The following HLCS variants were observed in gnomAD, a reference collection of about 807,000 sequenced individuals.
HLCS encodes holocarboxylase synthetase.
A neutral mutation model predicts 75.0 loss-of-function variants in HLCS; 53 were observed. The observed-to-expected ratio is 0.71, with a 90% CI of 0.57 to 0.89. The LOEUF (loss-of-function observed/expected upper bound fraction) is 0.89, where lower values mean the gene tolerates loss of function less well. Ranked by LOEUF, HLCS falls within the 40% of genes least tolerant of loss-of-function variation. The probability of loss-of-function intolerance (pLI) is 0.00; values close to 1 mark genes in which losing one functional copy is unlikely to be tolerated. For synonymous variants in HLCS, 431 were observed against 428.6 expected, an observed-to-expected ratio of 1.01 and a Z score of -0.07; for missense variants, 966 against 1,074.0, an observed-to-expected ratio of 0.90 and a Z score of 1.41.
rs2062636231 is a variant in HLCS at position 36,842,122 on chromosome 21, C to A, written c.1892+54738G>T. Among the ~76,000 whole-genome samples, 5 of 152,176 alleles carry A rather than the reference C, an allele frequency of 3.3e-5. No homozygotes were observed. The South Asian group carries it at 1.0e-3, about 32-fold the overall frequency. ...AGATAAACAAATTGTGGGATACTCA[C>A]CCAAAGAAGTATTTTATGGCAATGA... On this transcript the variant is annotated intron_variant, in intron 6 of 10. Coordinates refer to ENST00000674895, the MANE Select transcript of HLCS (RefSeq NM_001352514.2). This position sits in a 1 kb window ranked among gnomAD's most constrained non-coding sequence, Gnocchi z 4.2.
At chr21:36,909,110 T>G (rs1282984033) in intron 5 of HLCS, among the ~76,000 whole-genome samples, 1 of 152,068 alleles carries the variant, frequency 6.6e-6, no homozygotes, top group Non-Finnish European at 1.5e-5. Flanking sequence ...GGCAGCAGAA[T>G]GGCATGAACC....
At chr21:36,837,463 G>A (rs1435106570) in intron 6 of HLCS, among the ~76,000 whole-genome samples, 1 of 152,038 alleles carries the variant, frequency 6.6e-6, no homozygotes, top group South Asian at 2.1e-4. Context: ...CCATGTCCAC[G>A]TCAAGTAGGA....
At chr21:36,980,189 C>A (rs1322586127) in intron 1 of HLCS, among the ~76,000 whole-genome samples, 1 of 136,466 alleles carries the variant, frequency 7.3e-6, no homozygotes, top group Non-Finnish European at 1.6e-5. Context: ...GAGACCCTGA[C>A]TATATTTAAA....
At position 36,891,602 on chromosome 21, in the gene HLCS, A is replaced by T. The variant is rs143022766; in HGVS notation, c.1892+5258T>A. On this transcript the variant is annotated intron_variant, in intron 6 of 10. Transcript: ENST00000674895. ...ACCTTTGATCGAGTCCTGACCTTCT[A>T]TATGTTGGGAGGTAGACCTGGTGTC... Among the ~76,000 whole-genome samples, 3 of 152,260 alleles carry T rather than the reference A, an allele frequency of 2.0e-5. No individual in the cohort carries two copies. In the East Asian group the frequency reaches 5.8e-4, roughly 29 times the overall value.
chr21:36,832,224 T>G (rs1231716955), intron 6 of HLCS, among the ~76,000 whole-genome samples: 1 of 152,040 alleles, frequency 6.6e-6, no homozygotes, highest in Non-Finnish European at 1.5e-5. Flanking sequence ...AGTTATAACC[T>G]AACGAAAGGG....
intron 1 of HLCS, among the ~76,000 whole-genome samples, chr21:36,983,820 C>T (rs938835700): frequency 2.7e-5 from 4 of 148,698 alleles, no homozygotes; most frequent in Admixed American, 2.7e-4. Context: ...CTGGGTGACG[C>T]AGAGAGACTC....
intron 5 of HLCS, among the ~76,000 whole-genome samples, chr21:36,926,946 A>G (rs2066435005): frequency 6.6e-6 from 1 of 152,014 alleles, no homozygotes; most frequent in African/African-American, 2.4e-5. Flanking sequence ...AAATTCTGCC[A>G]GGTTGCCCAG....
chr21:36,786,748 T>C (rs370565190), intron 6 of HLCS, among the ~76,000 whole-genome samples: 1 of 152,260 alleles, frequency 6.6e-6, no homozygotes, highest in African/African-American at 2.4e-5. Context: ...TATGTGTTTA[T>C]TGGATTCCTA....
At chr21:36,987,450 T>TA in intron 1 of HLCS, among the ~76,000 whole-genome samples, 1 of 152,102 alleles carries the variant, frequency 6.6e-6, no homozygotes, top group African/African-American at 2.4e-5. Flanking sequence ...CTGTCTCTAC[T>TA]AAAAATACAA....
chr21:36,847,773 AT>A (rs1300023569), intron 6 of HLCS, among the ~76,000 whole-genome samples: 1 of 152,108 alleles, frequency 6.6e-6, no homozygotes, highest in African/African-American at 2.4e-5. Flanking sequence ...ACATATAAGA[AT>A]TTTTTTTAAT....
At chr21:36,884,643 C>G (rs1316722629) in intron 6 of HLCS, among the ~76,000 whole-genome samples, 4 of 152,158 alleles carry the variant, frequency 2.6e-5, no homozygotes, top group African/African-American at 9.7e-5. Context: ...TAGAGAAGTC[C>G]CTGTCACCCT....
At chr21:36,795,596 C>T (rs1025137547) in intron 6 of HLCS, among the ~76,000 whole-genome samples, 1 of 152,204 alleles carries the variant, frequency 6.6e-6, no homozygotes, top group African/African-American at 2.4e-5. Context: ...GACTCCTTTA[C>T]AGCTCAAGAA....
At chr21:36,758,175 T>G (rs932650110) in intron 9 of HLCS, among the ~76,000 whole-genome samples, 1 of 152,128 alleles carries the variant, frequency 6.6e-6, no homozygotes, top group Non-Finnish European at 1.5e-5. Context: ...GGAGCCCTCA[T>G]AGCGCACTGC....
chr21:36,775,693 T>C (rs1186825255), intron 6 of HLCS, among the ~76,000 whole-genome samples: 1 of 234 alleles, frequency 4.3e-3, no homozygotes. Context: ...ATCTCATAAA[T>C]ATGTCCATTT....
intron 6 of HLCS, among the ~76,000 whole-genome samples, chr21:36,774,336 C>T (rs3787748): frequency 0.45 from 67,775 of 151,966 alleles, 15,908 homozygotes; most frequent in Non-Finnish European, 0.54. Context: ...AGACAGGGAA[C>T]GGGACAGATC....
intron 6 of HLCS, among the ~76,000 whole-genome samples, chr21:36,825,406 T>A (rs568860939): frequency 7.9e-5 from 12 of 152,106 alleles, no homozygotes; most frequent in Middle Eastern, 3.4e-3. Flanking sequence ...TAATAATAAT[T>A]GTTATTATTA....
chr21:36,787,001 G>A (rs77875339), intron 6 of HLCS, among the ~76,000 whole-genome samples: 2,653 of 152,294 alleles, frequency 0.017, 37 homozygotes, highest in Non-Finnish European at 0.028. Flanking sequence ...TGAAAGATGC[G>A]ACCATGTAGG....
At chr21:36,820,574 C>T (rs1375653198) in intron 6 of HLCS, among the ~76,000 whole-genome samples, 3 of 152,222 alleles carry the variant, frequency 2.0e-5, no homozygotes, top group Non-Finnish European at 2.9e-5. Context: ...GCTGACATGC[C>T]AGCCCCCTGC....
At chr21:36,798,420 T>C (rs1329960755) in intron 6 of HLCS, among the ~76,000 whole-genome samples, 1 of 152,238 alleles carries the variant, frequency 6.6e-6, no homozygotes, top group African/African-American at 2.4e-5. Flanking sequence ...ACTATTTATG[T>C]TGTTTCCAGT....
Sources: allele counts gnomAD v4.1 joint callset (sites outside exome capture counted in the v4.1 genomes callset), GRCh38; gene constraint gnomAD v4.1.1; non-coding constraint Gnocchi (gnomAD v3.1); transcripts MANE v1.5; gene names NCBI Gene and HGNC (gene_info 2026-07-23, HGNC 2026-07-21).